RIN2: variants seen among roughly 807,000 people sequenced by gnomAD.
The protein encoded by RIN2 is Ras and Rab interactor 2.
RIN2 carries 36 observed loss-of-function variants against 78.0 expected under a neutral mutation model. That is an observed-to-expected ratio of 0.46 (90% CI 0.35 to 0.61). The LOEUF (loss-of-function observed/expected upper bound fraction) is 0.61. Among genes scored for constraint, RIN2 ranks in the 20% least tolerant of loss-of-function variants. RIN2 has a pLI of 0.00. For synonymous variants in RIN2, 466 were observed against 466.8 expected (o/e 1.00, Z 0.02); for missense variants, 1,087 against 1,159.7 (o/e 0.94, Z 0.91).
At chr20:19,787,327 G>C (rs904970472) in intron 1 of RIN2, among the ~76,000 whole-genome samples, 2 of 151,428 alleles carry the variant, frequency 1.3e-5, no homozygotes, top group African/African-American at 4.9e-5. Flanking sequence ...GGAAGCTGAG[G>C]CAGGAGAATT....
At chr20:19,986,394 A>T (rs2146368232) in intron 9 of RIN2, among the ~76,000 whole-genome samples, 1 of 152,264 alleles carries the variant, frequency 6.6e-6, no homozygotes, top group Admixed American at 6.5e-5. Flanking sequence ...CCTTATTTTT[A>T]AATTATGGTC....
intron 3 of RIN2, among the ~76,000 whole-genome samples, chr20:19,929,041 G>A (rs2146090714): frequency 6.6e-6 from 1 of 152,282 alleles, no homozygotes; most frequent in East Asian, 1.9e-4. Context: ...GCTGTGCTGG[G>A]TGTTTGATGT....
At chr20:19,795,829 C>A (rs1047300207) in intron 1 of RIN2, among the ~76,000 whole-genome samples, 2 of 152,208 alleles carry the variant, frequency 1.3e-5, no homozygotes, top group African/African-American at 4.8e-5. Flanking sequence ...AAACAACACA[C>A]ACTGAAGTAA....
intron 9 of RIN2, among the ~76,000 whole-genome samples, chr20:19,987,499 C>G (rs369208528): frequency 4.8e-4 from 73 of 152,306 alleles, no homozygotes; most frequent in African/African-American, 1.6e-3. Flanking sequence ...TGGCTTCTAT[C>G]AAGCCATTAG....
At chr20:19,810,554 C>T (rs1315037085) in intron 2 of RIN2, among the ~76,000 whole-genome samples, 1 of 152,120 alleles carries the variant, frequency 6.6e-6, no homozygotes, top group African/African-American at 2.4e-5. Flanking sequence ...TGCCCAGAGC[C>T]TCGGCAGAAC....
chr20:19,954,048 G>A (rs1231924836), intron 4 of RIN2, among the ~76,000 whole-genome samples: 1 of 152,190 alleles, frequency 6.6e-6, no homozygotes, highest in East Asian at 1.9e-4. Flanking sequence ...AAGTCACGAA[G>A]GTGATGGAGA....
intron 2 of RIN2, among the ~76,000 whole-genome samples, chr20:19,817,597 G>A (rs1440792680): frequency 2.0e-5 from 3 of 152,160 alleles, no homozygotes; most frequent in African/African-American, 7.2e-5. Flanking sequence ...AGAGGGAAGT[G>A]GGGAGAAATG....
chr20:19,907,621 A>G (rs988205888), intron 3 of RIN2, among the ~76,000 whole-genome samples: 6 of 152,224 alleles, frequency 3.9e-5, no homozygotes, highest in Non-Finnish European at 8.8e-5. Flanking sequence ...AGGAAGGAAG[A>G]GGGTGGAGGT....
intron 3 of RIN2, among the ~76,000 whole-genome samples, chr20:19,912,848 T>A (rs572334002): frequency 9.7e-4 from 147 of 152,326 alleles, no homozygotes; most frequent in African/African-American, 3.4e-3. Flanking sequence ...GAATGTTTGA[T>A]GTCACTAGGA....
Position 19,990,314 on chromosome 20 carries a change from G to A in RIN2, c.2068+3G>A, listed in dbSNP as rs765198762. 5 of 1,601,052 alleles carry A rather than the reference G, an allele frequency of 3.1e-6. No homozygotes were observed. Among genetic ancestry groups the A allele is most frequent in the Non-Finnish European group, 4.3e-6 (5 of 1,170,598 alleles). ...CACGGTCATGGAGAACAACTCAGGTGAGGCCGCTGGAAGCCCAGGCTTCGT... is the reference window on the plus strand; with the variant it reads ...CACGGTCATGGAGAACAACTCAGGTAAGGCCGCTGGAAGCCCAGGCTTCGT... On this transcript the variant is annotated splice_donor_region_variant and intron_variant, in intron 10 of 12. Transcript: ENST00000255006.
At chr20:19,764,421 C>A (rs1256367155) in intron 1 of RIN2, among the ~76,000 whole-genome samples, 1 of 152,278 alleles carries the variant, frequency 6.6e-6, no homozygotes, top group East Asian at 1.9e-4. Flanking sequence ...GACCAGTCAC[C>A]TCGTCTATGC....
chr20:19,895,952 G>A (rs1273809727), intron 3 of RIN2: 1 of 152,176 alleles, frequency 6.6e-6, no homozygotes, highest in African/African-American at 2.4e-5. Flanking sequence ...CAAAAATTCT[G>A]TCTGCCAAGC....
rs78240772 is a variant in RIN2, at chr20:19,917,122, A to C, written c.58-17977A>C. The stretch of plus-strand genomic sequence containing the variant: ...TATTTAAAAAATTTAAAAAAAAAAA[A>C]GGCAGGCGGAGTGGGTAAGGTACGA... On this transcript the variant is annotated intron_variant, in intron 3 of 12. Transcript: ENST00000255006. 2.0e-5 allele frequency among the ~76,000 whole-genome samples: 3 copies of C among 151,382 alleles called. No homozygotes were observed. In the South Asian group the frequency reaches 6.3e-4, roughly 32 times the overall value.
rs568902846 is a variant in RIN2 at position 19,985,746 on chromosome 20, A to G, written c.1763-4260A>G. Among the ~76,000 whole-genome samples the G allele has an allele frequency of 2.2e-4, 33 of 152,328 alleles. No individual in the cohort carries two copies. In the South Asian group the frequency reaches 5.6e-3, roughly 26 times the overall value. On this transcript the variant is annotated intron_variant, in intron 9 of 12. Coordinates refer to ENST00000255006, the MANE Select transcript of RIN2 (RefSeq NM_018993.4). The stretch of plus-strand genomic sequence containing the variant: ...CAACAAAAAGACCTTAATGAGCTTT[A>G]AAAGCATATACTCATCTTACTCATC...
At chr20:19,897,532 A>C (rs537625124) in intron 3 of RIN2, among the ~76,000 whole-genome samples, 1 of 152,234 alleles carries the variant, frequency 6.6e-6, no homozygotes, top group South Asian at 2.1e-4. Flanking sequence ...GGCCCAGTTT[A>C]GGCTACAGCA....
At chr20:19,875,165 AT>A (rs200641937) in intron 2 of RIN2, among the ~76,000 whole-genome samples, 3,946 of 135,436 alleles carry the variant, frequency 0.029, 50 homozygotes, top group Middle Eastern at 0.062. Context: ...CCAGCAGATA[AT>A]TTTTTTTTTT....
chr20:19,847,538 TAGAAGTGTGGC>T (rs2036825611), intron 2 of RIN2, among the ~76,000 whole-genome samples: 1 of 152,176 alleles, frequency 6.6e-6, no homozygotes, highest in Non-Finnish European at 1.5e-5. Context: ...GAGGGGGTTC[TAGAAGTGTGGC>T]ACCCAGCACA....
rs539635849 is a variant in RIN2, at chr20:19,779,610, G to A, written c.-162-20012G>A. ...GATGAAAAATTGATTCATTCTGGCCGTGCTTGTCAAATTGTAGCCAAGCAG... is the reference window on the plus strand; with the variant it reads ...GATGAAAAATTGATTCATTCTGGCCATGCTTGTCAAATTGTAGCCAAGCAG... On this transcript the variant is annotated intron_variant, in intron 1 of 12. Transcript: ENST00000255006. Among the ~76,000 whole-genome samples the A allele has an allele frequency of 3.3e-5, 5 of 152,308 alleles. No homozygotes were observed. The East Asian group carries it at 5.8e-4, about 18-fold the overall frequency.
intron 1 of RIN2, among the ~76,000 whole-genome samples, chr20:19,767,984 G>A (rs1306161040): frequency 6.6e-6 from 1 of 151,732 alleles, no homozygotes; most frequent in East Asian, 1.9e-4. Flanking sequence ...CGGAGGATGT[G>A]ACCCAGACCC....
Sources: gnomAD v4.1 joint callset for allele counts (sites outside exome capture counted in the v4.1 genomes callset) on GRCh38, gnomAD v4.1.1 for gene constraint, MANE v1.5 for transcripts, NCBI Gene and HGNC (gene_info 2026-07-23, HGNC 2026-07-21) for gene names.